The following MTHFD1L variants were observed in gnomAD, a reference collection of about 807,000 sequenced individuals.
MTHFD1L encodes the protein methylenetetrahydrofolate dehydrogenase (NADP+ dependent) 1 like, also known as monofunctional C1-tetrahydrofolate synthase, mitochondrial.
A neutral mutation model predicts 119.5 loss-of-function variants in MTHFD1L; 81 were observed. The observed-to-expected ratio is 0.68, with a 90% CI of 0.57 to 0.82. MTHFD1L has a LOEUF of 0.82. Among genes scored for constraint, MTHFD1L ranks in the 40% least tolerant of loss-of-function variants. MTHFD1L has a pLI of 0.00. For synonymous variants in MTHFD1L, 430 were observed against 475.2 expected (o/e 0.90, Z 1.24); for missense variants, 1,125 against 1,253.4 (o/e 0.90, Z 1.55).
At chr6:151,063,749 A>G (rs1489669498) in intron 26 of MTHFD1L, among the ~76,000 whole-genome samples, 2 of 152,250 alleles carry the variant, frequency 1.3e-5, no homozygotes, top group African/African-American at 2.4e-5. Context: ...AGGGAATGTA[A>G]GAATTAAATA....
chr6:150,870,086 G>A (rs1779142891), intron 1 of MTHFD1L, among the ~76,000 whole-genome samples: 2 of 152,182 alleles, frequency 1.3e-5, no homozygotes, highest in Non-Finnish European at 2.9e-5. Context: ...AATACATTCT[G>A]TATAATAGTC....
At chr6:151,033,599 ATCT>A (rs200451193) in intron 24 of MTHFD1L, among the ~76,000 whole-genome samples, 1,818 of 152,232 alleles carry the variant, frequency 0.012, 28 homozygotes, top group African/African-American at 0.04. Context: ...CATTATGGAA[ATCT>A]TCTCCTCCAA....
intron 20 of MTHFD1L, among the ~76,000 whole-genome samples, chr6:151,003,313 C>T (rs763833056): frequency 6.6e-6 from 1 of 152,146 alleles, no homozygotes; most frequent in Non-Finnish European, 1.5e-5. Flanking sequence ...GGGCGGATCA[C>T]CTGAGGTCAG....
intron 26 of MTHFD1L, among the ~76,000 whole-genome samples, chr6:151,078,779 C>T (rs79256042): frequency 0.049 from 7,528 of 152,188 alleles, 232 homozygotes; most frequent in Middle Eastern, 0.082. Flanking sequence ...CACTGTCACT[C>T]GTGCCATATT....
chr6:150,933,113 T>C (rs1342205597), intron 11 of MTHFD1L, among the ~76,000 whole-genome samples: 1 of 152,106 alleles, frequency 6.6e-6, no homozygotes, highest in African/African-American at 2.4e-5. Context: ...CCGAACTGTA[T>C]TAGTTGGCAG....
At chr6:150,958,079 A>G (rs1485378391) in intron 17 of MTHFD1L, among the ~76,000 whole-genome samples, 1 of 152,106 alleles carries the variant, frequency 6.6e-6, no homozygotes, top group Non-Finnish European at 1.5e-5. Context: ...TGTAAAGCTG[A>G]TTTGCAAATG....
At chr6:150,990,643 G>A (rs1324115967) in intron 20 of MTHFD1L, among the ~76,000 whole-genome samples, 1 of 151,578 alleles carries the variant, frequency 6.6e-6, no homozygotes, top group Admixed American at 6.6e-5. Flanking sequence ...GTATTTTTTA[G>A]TAGAGACAGG....
intron 24 of MTHFD1L, among the ~76,000 whole-genome samples, chr6:151,031,839 T>C (rs1785376280): frequency 6.6e-6 from 1 of 152,242 alleles, no homozygotes; most frequent in Non-Finnish European, 1.5e-5. Context: ...TATGCCTTTG[T>C]TCCATATTGG....
At chr6:151,062,429 A>T (rs1790752407) in intron 26 of MTHFD1L, among the ~76,000 whole-genome samples, 1 of 152,114 alleles carries the variant, frequency 6.6e-6, no homozygotes, top group Admixed American at 6.6e-5. Flanking sequence ...CAGAGACTCC[A>T]TCTCAAAAAA....
intron 26 of MTHFD1L, among the ~76,000 whole-genome samples, chr6:151,081,163 A>G (rs944580065): frequency 1.3e-5 from 2 of 152,208 alleles, no homozygotes; most frequent in Admixed American, 6.5e-5. Flanking sequence ...ACAGAACAAT[A>G]TAGGCCTCTG....
chr6:150,947,796 C>T (rs1794225185), intron 15 of MTHFD1L, among the ~76,000 whole-genome samples: 1 of 152,160 alleles, frequency 6.6e-6, no homozygotes, highest in Non-Finnish European at 1.5e-5. Flanking sequence ...CAAGGAGCCC[C>T]TGGCTAACGC....
At chr6:150,870,635 G>T (rs1423961602) in intron 1 of MTHFD1L, among the ~76,000 whole-genome samples, 1 of 152,050 alleles carries the variant, frequency 6.6e-6, no homozygotes, top group Non-Finnish European at 1.5e-5. Context: ...ATATAAGGCC[G>T]GGCGTGGTAG....
chr6:150,894,224 G>A (rs1335511717), intron 7 of MTHFD1L, among the ~76,000 whole-genome samples: 1 of 152,132 alleles, frequency 6.6e-6, no homozygotes, highest in Non-Finnish European at 1.5e-5. Flanking sequence ...GTGCAGGCTG[G>A]AGGAAGAGAA....
chr6:151,008,019 A>C (rs1076746), intron 20 of MTHFD1L, among the ~76,000 whole-genome samples: 9,801 of 152,272 alleles, frequency 0.064, 890 homozygotes, highest in East Asian at 0.5. Context: ...ATGGTCATAA[A>C]AATTTTTTAT....
intron 21 of MTHFD1L, among the ~76,000 whole-genome samples, chr6:151,010,591 A>G (rs1325108362): frequency 6.6e-6 from 1 of 152,178 alleles, no homozygotes; most frequent in Non-Finnish European, 1.5e-5. Context: ...TACCTATCCT[A>G]ATATATATAG....
At chr6:150,979,022 T>C (rs1258861600) in intron 20 of MTHFD1L, among the ~76,000 whole-genome samples, 1 of 152,120 alleles carries the variant, frequency 6.6e-6, no homozygotes, top group Non-Finnish European at 1.5e-5. Context: ...GGTGGATCAC[T>C]TGAGGTCAGG....
intron 7 of MTHFD1L, among the ~76,000 whole-genome samples, chr6:150,898,027 A>G (rs1331834004): frequency 6.6e-6 from 1 of 152,104 alleles, no homozygotes; most frequent in African/African-American, 2.4e-5. Flanking sequence ...TATTTTTAGT[A>G]GGGACAGAGT....
chr6:150,904,189 G>C (rs1785514303), intron 7 of MTHFD1L, among the ~76,000 whole-genome samples: 1 of 152,204 alleles, frequency 6.6e-6, no homozygotes, highest in Non-Finnish European at 1.5e-5. Context: ...TGATCAGCCT[G>C]TCTAAGCTGA....
intron 7 of MTHFD1L, among the ~76,000 whole-genome samples, chr6:150,898,174 A>G (rs916773310): frequency 2.6e-5 from 4 of 152,216 alleles, no homozygotes; most frequent in Non-Finnish European, 5.9e-5. Flanking sequence ...GGAACGTCTT[A>G]AACATAACCT....
Sources: allele counts gnomAD v4.1 joint callset (sites outside exome capture counted in the v4.1 genomes callset), GRCh38; gene constraint gnomAD v4.1.1; transcripts MANE v1.5; gene names NCBI Gene and HGNC (gene_info 2026-07-23, HGNC 2026-07-21).